The following PCDHGB4 variants were observed in gnomAD, a reference collection of about 807,000 sequenced individuals.
The protein encoded by PCDHGB4 is protocadherin gamma-B4.
A neutral mutation model predicts 60.5 loss-of-function variants in PCDHGB4; 38 were observed. The ratio of observed to expected loss-of-function variants is 0.63; its 90% CI spans 0.48 to 0.82. The LOEUF is 0.82. PCDHGB4 is among the 40% of genes least tolerant of loss of function. The pLI, the probability that PCDHGB4 is intolerant of heterozygous loss-of-function variation, is 0.00. For missense variants in PCDHGB4, 1,109 were observed against 1,209.6 expected (o/e 0.92, Z 1.23); for synonymous variants, 456 against 509.7 (o/e 0.89, Z 1.42).
rs760022375 is a variant in PCDHGB4, at chr5:141,388,432, A to G, written c.548A>G (p.Lys183Arg). ...AGTGATCATTTCTCACTGATAAATA[A>G]AGAGAAATCAGATGGCAGTAAATAC... is the stretch of plus-strand genomic sequence containing the variant. Reference protein sequence around the residue: ...SPSDHFSLINKEKSDGSKYPE... With the variant: ...SPSDHFSLINREKSDGSKYPE... Residue 183 changes from lysine to arginine, a missense_variant, in exon 1 of 4, where the codon AAA becomes AGA. By Grantham distance (26) the Lys-to-Arg change is conservative. This residue lies in a region of PCDHGB4 where 1,068 missense variants were observed against 1,089.9 expected (regional missense o/e 0.98). Transcript: ENST00000519479. 2 of 1,613,878 alleles carry G rather than the reference A, an allele frequency of 1.2e-6. No individual in the cohort carries two copies. The highest frequency in any genetic ancestry group is 8.5e-7 in the Non-Finnish European group (1 of 1,179,864).
Position 141,477,176 on chromosome 5 carries a change from G to A in PCDHGB4, c.2398-17631G>A. ...GAATGACAACGCCCCGGAGATCACA[G>A]TCACCTCCGTGTACAGCCCAGTACC... On this transcript the variant is annotated intron_variant, in intron 1 of 3. Transcript: ENST00000519479. The surrounding 1 kb of genome is among the most constrained non-coding windows in gnomAD (Gnocchi z 4.9). 2 of 1,614,206 alleles carry A rather than the reference G, an allele frequency of 1.2e-6. No individual in the cohort carries two copies. Among genetic ancestry groups the A allele is most frequent in the Admixed American group, 1.7e-5 (1 of 60,024 alleles).
At chr5:141,410,100 G>A in intron 1 of PCDHGB4, 1 of 1,612,736 alleles carries the variant, frequency 6.2e-7, no homozygotes, top group Non-Finnish European at 8.5e-7. Context: ...CGAGCCTTAG[G>A]CGACAGGGAC....
At chr5:141,403,565 G>A in intron 1 of PCDHGB4, 8 of 1,613,952 alleles carry the variant, frequency 5.0e-6, no homozygotes, top group Non-Finnish European at 6.8e-6. Context: ...CAGGGAGGAG[G>A]CAACTGCCCA....
At chr5:141,402,025 AAC>A (rs1265000731) in intron 1 of PCDHGB4, among the ~76,000 whole-genome samples, 9 of 152,192 alleles carry the variant, frequency 5.9e-5, no homozygotes, top group African/African-American at 1.7e-4. Flanking sequence ...GAATCATTGA[AAC>A]ACAGTCTGTG....
Position 141,431,344 on chromosome 5 carries a change from G to T in PCDHGB4, c.2397+41063G>T. On this transcript the variant is annotated intron_variant, in intron 1 of 3. Coordinates refer to ENST00000519479, the MANE Select transcript of PCDHGB4 (RefSeq NM_003736.4). This position sits in a 1 kb window ranked among gnomAD's most constrained non-coding sequence, Gnocchi z 4.8. ...ACGGTAGTAAGTACCCCGAATTGGT[G>T]CTGAAACGCGCCCTGGACCGCGAAG... 1 of 1,614,078 alleles carries T rather than the reference G, an allele frequency of 6.2e-7. No individual in the cohort carries two copies. The highest frequency in any genetic ancestry group is 1.3e-5 in the African/African-American group (1 of 75,068).
chr5:141,482,429 A>G (rs955366858), intron 1 of PCDHGB4, among the ~76,000 whole-genome samples: 1 of 151,366 alleles, frequency 6.6e-6, no homozygotes, highest in African/African-American at 2.4e-5. Flanking sequence ...AAAAATGATA[A>G]TACTGATATT....
chr5:141,477,568 C>G lies in PCDHGB4; in HGVS notation c.2398-17239C>G. 1 of 1,614,172 alleles carries G rather than the reference C, an allele frequency of 6.2e-7. No individual in the cohort carries two copies. Among genetic ancestry groups the G allele is most frequent in the Non-Finnish European group, 8.5e-7 (1 of 1,180,044 alleles). On this transcript the variant is annotated intron_variant, in intron 1 of 3. Coordinates refer to ENST00000519479, the MANE Select transcript of PCDHGB4 (RefSeq NM_003736.4). The surrounding 1 kb of genome is among the most constrained non-coding windows in gnomAD (Gnocchi z 4.9). ...TACTAAACCTAAGTGTCTGGGACCC[C>G]GACGCCCCGCAGAATGCTCGGCTTT...
rs994324285 is a variant in PCDHGB4 at position 141,455,094 on chromosome 5, G to A, written c.2398-39713G>A. Among the ~76,000 whole-genome samples the A allele has an allele frequency of 3.3e-5, 5 of 152,104 alleles. No individual in the cohort carries two copies. In the Middle Eastern group the frequency reaches 0.014, roughly 414 times the overall value. ...CCCAAAGTGCTGGGATTACAGGCTT[G>A]AGCCACTGCGCCCGGTGGGTCTAAT... On this transcript the variant is annotated intron_variant, in intron 1 of 3. Coordinates refer to ENST00000519479, the MANE Select transcript of PCDHGB4 (RefSeq NM_003736.4).
intron 1 of PCDHGB4, among the ~76,000 whole-genome samples, chr5:141,438,039 C>T (rs1373700448): frequency 6.6e-6 from 1 of 152,024 alleles, no homozygotes; most frequent in Non-Finnish European, 1.5e-5. Flanking sequence ...CCATGCCCGA[C>T]CACTTTGAGT....
chr5:141,501,425 G>A (rs1444899306), intron 2 of PCDHGB4, among the ~76,000 whole-genome samples: 1 of 151,726 alleles, frequency 6.6e-6, no homozygotes, highest in Non-Finnish European at 1.5e-5. Flanking sequence ...TTGACTAAAT[G>A]TAGTCCATTT....
intron 2 of PCDHGB4, among the ~76,000 whole-genome samples, chr5:141,502,564 C>T (rs2099815067): frequency 1.3e-5 from 2 of 151,774 alleles, no homozygotes; most frequent in East Asian, 1.9e-4. Context: ...CCAGATCTCT[C>T]CATTATAAAA....
intron 1 of PCDHGB4, chr5:141,399,585 T>C (rs1452769752): frequency 6.2e-7 from 1 of 1,613,984 alleles, no homozygotes; most frequent in South Asian, 1.1e-5. Context: ...TCTCCTACTC[T>C]ATCATGGCCA....
At chr5:141,412,814 C>CAT (rs1339609844) in intron 1 of PCDHGB4, among the ~76,000 whole-genome samples, 1 of 152,180 alleles carries the variant, frequency 6.6e-6, no homozygotes, top group Non-Finnish European at 1.5e-5. Context: ...AAGAAACCTA[C>CAT]ATATAGTAAA....
At chr5:141,408,423 A>G (rs2095103444) in intron 1 of PCDHGB4, 1 of 1,614,078 alleles carries the variant, frequency 6.2e-7, no homozygotes. Flanking sequence ...GAGAAGCTGC[A>G]CTTCAGCGTA....
Position 141,511,350 on chromosome 5 carries a change from C to G in PCDHGB4, c.*177C>G, listed in dbSNP as rs1303365585. 4.3e-6 allele frequency: 6 copies of G among 1,397,194 alleles called. No homozygotes were observed. Among genetic ancestry groups the G allele is most frequent in the East Asian group, 2.5e-5 (1 of 39,862 alleles). The allele number at this position is 1,397,194 out of a possible 1,614,324, so 86.5% of individuals were successfully genotyped here. On this transcript the variant is annotated 3_prime_UTR_variant, in exon 4 of 4. Transcript: ENST00000519479. ...CCCAGTCAGCACCTACCCCTTCCCC[C>G]CCAGGGGGTTGAATATGCAAAAGCA...
chr5:141,403,984 A>C, intron 1 of PCDHGB4: 1 of 1,613,892 alleles, frequency 6.2e-7, no homozygotes, highest in South Asian at 1.1e-5. Flanking sequence ...ATGACAATAG[A>C]CCTGAAGTGA....
chr5:141,397,949 A>AGCCCCAGCTCAGAC (rs1391996511), intron 1 of PCDHGB4: 1 of 916,660 alleles, frequency 1.1e-6, no homozygotes, highest in Non-Finnish European at 1.6e-6. Context: ...TTTCCAGGGC[A>AGCCCCAGCTCAGAC]GCCCCAGCTC....
chr5:141,403,403 C>G (rs755177334), intron 1 of PCDHGB4: 2 of 1,614,066 alleles, frequency 1.2e-6, no homozygotes, highest in Non-Finnish European at 1.7e-6. Context: ...TCCTGGAGCA[C>G]GTTATCCACT....
chr5:141,438,658 G>GTA (rs2098048375), intron 1 of PCDHGB4, among the ~76,000 whole-genome samples: 7 of 77,996 alleles, frequency 9.0e-5, no homozygotes, highest in African/African-American at 1.9e-4. Flanking sequence ...ACACATATAT[G>GTA]TATATATATA....
Sources: allele counts gnomAD v4.1 joint callset (sites outside exome capture counted in the v4.1 genomes callset), GRCh38; gene constraint gnomAD v4.1.1; regional missense constraint gnomAD v4.1.1; non-coding constraint Gnocchi (gnomAD v3.1); transcripts MANE v1.5; gene names NCBI Gene and HGNC (gene_info 2026-07-23, HGNC 2026-07-21).